SIPA1L2: variants seen among roughly 807,000 people sequenced by gnomAD.
SIPA1L2 encodes signal-induced proliferation-associated 1-like protein 2.
A neutral mutation model predicts 163.9 loss-of-function variants in SIPA1L2; 56 were observed. The ratio of observed to expected loss-of-function variants is 0.34; its 90% confidence interval spans 0.28 to 0.43. SIPA1L2 has a LOEUF of 0.43. Among genes scored for constraint, SIPA1L2 ranks in the 20% least tolerant of loss-of-function variants. The pLI is 1.00. For missense variants in SIPA1L2, 1,974 were observed against 2,193.5 expected (o/e 0.90, Z 2.00); for synonymous variants, 877 against 865.7 (o/e 1.01, Z -0.23).
At chr1:232,409,253 T>C (rs1326030019) in intron 19 of SIPA1L2, among the ~76,000 whole-genome samples, 1 of 152,252 alleles carries the variant, frequency 6.6e-6, no homozygotes, top group African/African-American at 2.4e-5. Flanking sequence ...ATCTTTACTA[T>C]GAAGCTTTCT....
Position 232,476,376 on chromosome 1 carries a change from G to A in SIPA1L2, c.2085+3251C>T, listed in dbSNP as rs532433243. ...CCCAACACAGCAGCTAAAATGTTAC[G>A]CATACATTAAAAAATAGGTTACTGT... On this transcript the variant is annotated intron_variant, in intron 7 of 22. Coordinates refer to ENST00000674635, the MANE Select transcript of SIPA1L2 (RefSeq NM_020808.5). Among the ~76,000 whole-genome samples, 19 of 152,224 alleles carry A rather than the reference G, an allele frequency of 1.2e-4. No individual in the cohort carries two copies. The South Asian group carries it at 3.3e-3, about 27-fold the overall frequency.
intron 2 of SIPA1L2, among the ~76,000 whole-genome samples, chr1:232,520,843 T>C (rs1469118102): frequency 6.6e-6 from 1 of 152,170 alleles, no homozygotes; most frequent in Non-Finnish European, 1.5e-5. Flanking sequence ...ACTTGAGGTC[T>C]GATCACCTAA....
At chr1:232,584,932 G>A (rs563268727) in intron 1 of SIPA1L2, among the ~76,000 whole-genome samples, 32 of 152,182 alleles carry the variant, frequency 2.1e-4, no homozygotes, top group Non-Finnish European at 4.3e-4. Flanking sequence ...ATCCATATAT[G>A]GGGGAGAGAG....
intron 19 of SIPA1L2, among the ~76,000 whole-genome samples, chr1:232,413,978 G>A (rs1013515621): frequency 7.9e-5 from 12 of 152,142 alleles, no homozygotes; most frequent in Admixed American, 7.2e-4. Flanking sequence ...GTGCTCTGGT[G>A]CTGGGTCATG....
At chr1:232,564,234 TCGTGTGTGTGTGTGTG>T (rs1558271285) in intron 2 of SIPA1L2, among the ~76,000 whole-genome samples, 9 of 45,554 alleles carry the variant, frequency 2.0e-4, no homozygotes, top group African/African-American at 5.3e-4. Flanking sequence ...TTTTTTTTTT[TCGTGTGTGTGTGTGTG>T]TGTGTGTGTG....
chr1:232,484,543 TAACTCTGGC>T (rs1382530712), intron 5 of SIPA1L2, among the ~76,000 whole-genome samples: 1 of 152,220 alleles, frequency 6.6e-6, no homozygotes, highest in Non-Finnish European at 1.5e-5. Flanking sequence ...CATAAAAAAG[TAACTCTGGC>T]TTACGATTAC....
At chr1:232,559,182 G>T (rs1157164919) in intron 2 of SIPA1L2, among the ~76,000 whole-genome samples, 1 of 152,118 alleles carries the variant, frequency 6.6e-6, no homozygotes, top group Non-Finnish European at 1.5e-5. Context: ...CCAGCCCATG[G>T]GGTAGCAGGG....
intron 4 of SIPA1L2, among the ~76,000 whole-genome samples, chr1:232,492,578 A>C (rs1665987600): frequency 6.6e-6 from 1 of 152,234 alleles, no homozygotes; most frequent in Admixed American, 6.5e-5. Flanking sequence ...AATTTATACA[A>C]GAATCTCACT....
chr1:232,443,781 A>C (rs1663047753), intron 11 of SIPA1L2, 96 bp from the exon 12 acceptor site: 7 of 916,084 alleles, frequency 7.6e-6, no homozygotes, highest in Non-Finnish European at 9.7e-6. Flanking sequence ...ATACTTTGAG[A>C]ATGACAAAGA....
chr1:232,504,772 T>G (rs953251915), intron 3 of SIPA1L2, among the ~76,000 whole-genome samples: 1 of 152,114 alleles, frequency 6.6e-6, no homozygotes, highest in African/African-American at 2.4e-5. Flanking sequence ...AAAAATAAAC[T>G]CAGTTCATCC....
chr1:232,525,174 T>G (rs2103068940), intron 2 of SIPA1L2, among the ~76,000 whole-genome samples: 1 of 151,998 alleles, frequency 6.6e-6, no homozygotes, highest in East Asian at 1.9e-4. Flanking sequence ...TGGCAGGTAT[T>G]TACAAAAATA....
At chr1:232,443,186 G>A (rs532861259) in intron 12 of SIPA1L2, among the ~76,000 whole-genome samples, 3 of 152,174 alleles carry the variant, frequency 2.0e-5, no homozygotes, top group Non-Finnish European at 2.9e-5. Flanking sequence ...ACTGGACTGC[G>A]TGGATACTAT....
At chr1:232,593,906 GCA>G (rs1356319268) in intron 1 of SIPA1L2, among the ~76,000 whole-genome samples, 8 of 152,316 alleles carry the variant, frequency 5.3e-5, no homozygotes, top group Middle Eastern at 3.4e-3. Context: ...GCTTGGGCAG[GCA>G]CAGTCTAAAT....
At chr1:232,563,887 G>T (rs535054553) in intron 2 of SIPA1L2, among the ~76,000 whole-genome samples, 2 of 150,674 alleles carry the variant, frequency 1.3e-5, no homozygotes, top group African/African-American at 4.9e-5. Flanking sequence ...GCTAATTTTT[G>T]TATTTTTAGT....
At chr1:232,436,582 C>T (rs1168372150) in intron 15 of SIPA1L2, among the ~76,000 whole-genome samples, 1 of 152,172 alleles carries the variant, frequency 6.6e-6, no homozygotes, top group Non-Finnish European at 1.5e-5. Context: ...TGAACTGGGA[C>T]AGGAGAGGAA....
intron 14 of SIPA1L2, among the ~76,000 whole-genome samples, chr1:232,440,165 G>A (rs751390442): frequency 3.9e-5 from 6 of 152,182 alleles, no homozygotes; most frequent in Non-Finnish European, 8.8e-5. Context: ...AATGCTTTTG[G>A]TTGGGGTGGG....
At chr1:232,517,133 A>G (rs1667253242) in intron 2 of SIPA1L2, among the ~76,000 whole-genome samples, 1 of 152,218 alleles carries the variant, frequency 6.6e-6, no homozygotes, top group Admixed American at 6.5e-5. Flanking sequence ...GTACATAACC[A>G]GTCCCCAACT....
intron 10 of SIPA1L2, among the ~76,000 whole-genome samples, chr1:232,448,271 G>A (rs141589285): frequency 3.0e-4 from 45 of 152,274 alleles, no homozygotes; most frequent in African/African-American, 1.0e-3. Flanking sequence ...GCAAGGACAC[G>A]GGAAGACTAG....
intron 2 of SIPA1L2, among the ~76,000 whole-genome samples, chr1:232,545,449 G>C (rs1657976258): frequency 6.6e-6 from 1 of 152,150 alleles, no homozygotes; most frequent in African/African-American, 2.4e-5. Context: ...TTTTAATTAT[G>C]AAAGTAATCT....
Sources: gnomAD v4.1 joint callset for allele counts (sites outside exome capture counted in the v4.1 genomes callset) on GRCh38, gnomAD v4.1.1 for gene constraint, MANE v1.5 for transcripts, NCBI Gene and HGNC (gene_info 2026-07-23, HGNC 2026-07-21) for gene names.